GALNT13: variants seen among roughly 807,000 people sequenced by gnomAD.
GALNT13 encodes the protein UDP-GalNAc:polypeptide N-acetylgalactosaminyltransferase 13.
A neutral mutation model predicts 64.2 loss-of-function variants in GALNT13; 28 were observed. The observed-to-expected ratio is 0.44, with a 90% CI of 0.32 to 0.60. The LOEUF (loss-of-function observed/expected upper bound fraction) is 0.60. GALNT13 is among the 20% of genes least tolerant of loss of function. The pLI is 0.05. For missense variants in GALNT13, 577 were observed against 669.8 expected (o/e 0.86, Z 1.53); for synonymous variants, 214 against 224.6 (o/e 0.95, Z 0.42).
chr2:154,028,103 C>T (rs569822936), intron 3 of GALNT13, among the ~76,000 whole-genome samples: 1 of 152,146 alleles, frequency 6.6e-6, no homozygotes, highest in Non-Finnish European at 1.5e-5. Context: ...TAATGCTGAA[C>T]CTACTAGCGT....
At chr2:153,432,880 A>G in the GALNT13 span, among the ~76,000 whole-genome samples, 1 of 152,206 alleles carries the variant, frequency 6.6e-6, no homozygotes, top group South Asian at 2.1e-4. Context: ...AAACAGAATG[A>G]TTTGTAAAAT....
At chr2:153,525,397 C>A in the GALNT13 span, among the ~76,000 whole-genome samples, 1 of 152,134 alleles carries the variant, frequency 6.6e-6, no homozygotes, top group South Asian at 2.1e-4. Context: ...TTGTTTTGCA[C>A]CGTAAGCACC....
At chr2:153,517,080 G>T in the GALNT13 span, among the ~76,000 whole-genome samples, 2 of 152,160 alleles carry the variant, frequency 1.3e-5, no homozygotes, top group Non-Finnish European at 2.9e-5. Flanking sequence ...CAGAGTCTGG[G>T]AAAGAAAATC....
chr2:154,166,171 G>A (rs1206927301), intron 4 of GALNT13, among the ~76,000 whole-genome samples: 1 of 152,186 alleles, frequency 6.6e-6, no homozygotes, highest in Non-Finnish European at 1.5e-5. Flanking sequence ...TTGGGAGGCT[G>A]AGGCGGGTGG....
chr2:153,257,284 T>C, the GALNT13 span, among the ~76,000 whole-genome samples: 2 of 152,138 alleles, frequency 1.3e-5, no homozygotes, highest in Non-Finnish European at 2.9e-5. Context: ...GCTTCCCAAG[T>C]GAGGCAATGC....
At chr2:153,816,206 G>A in the GALNT13 span, among the ~76,000 whole-genome samples, 3 of 152,142 alleles carry the variant, frequency 2.0e-5, no homozygotes, top group African/African-American at 7.2e-5. Flanking sequence ...TACTTTAAAG[G>A]TAGTCAGGGA....
At chr2:153,379,032 A>G in the GALNT13 span, among the ~76,000 whole-genome samples, 1 of 152,142 alleles carries the variant, frequency 6.6e-6, no homozygotes, top group Non-Finnish European at 1.5e-5. Flanking sequence ...AATTTTGACC[A>G]AATAGGACCC....
At chr2:153,548,791 C>A in the GALNT13 span, among the ~76,000 whole-genome samples, 3 of 152,134 alleles carry the variant, frequency 2.0e-5, no homozygotes, top group African/African-American at 7.2e-5. Context: ...CCCATGACAA[C>A]TGAAAACATA....
intron 9 of GALNT13, among the ~76,000 whole-genome samples, chr2:154,388,338 T>C (rs892060886): frequency 6.6e-6 from 1 of 152,208 alleles, no homozygotes; most frequent in East Asian, 1.9e-4. Flanking sequence ...CTTACATTTG[T>C]AGGCTTTCTC....
At chr2:153,149,418 T>G in the GALNT13 span, among the ~76,000 whole-genome samples, 1 of 151,872 alleles carries the variant, frequency 6.6e-6, no homozygotes, top group Non-Finnish European at 1.5e-5. Context: ...ACCAACAGAA[T>G]GAGTTCTGGA....
chr2:153,088,789 T>C, the GALNT13 span, among the ~76,000 whole-genome samples: 1 of 152,192 alleles, frequency 6.6e-6, no homozygotes, highest in Non-Finnish European at 1.5e-5. Context: ...GAATAGCTAC[T>C]CCTGCTTGCA....
the GALNT13 span, among the ~76,000 whole-genome samples, chr2:153,654,356 C>A: frequency 6.6e-6 from 1 of 151,952 alleles, no homozygotes; most frequent in African/African-American, 2.4e-5. Flanking sequence ...AAAATTGTAT[C>A]ATGGCAAAAG....
intron 3 of GALNT13, among the ~76,000 whole-genome samples, chr2:154,020,757 A>G (rs1239551671): frequency 4.0e-5 from 6 of 151,298 alleles, no homozygotes; most frequent in Non-Finnish European, 7.4e-5. Flanking sequence ...TTGGTGTTTT[A>G]GACATGAAGT....
the GALNT13 span, among the ~76,000 whole-genome samples, chr2:153,639,006 G>T: frequency 1.7e-4 from 26 of 151,936 alleles, no homozygotes; most frequent in East Asian, 1.9e-4. Flanking sequence ...ATGTTCAGTT[G>T]CATAGGTCTA....
chr2:154,062,678 A>G (rs1700251696), intron 3 of GALNT13, among the ~76,000 whole-genome samples: 1 of 152,156 alleles, frequency 6.6e-6, no homozygotes, highest in Non-Finnish European at 1.5e-5. Context: ...TGCTCCCATG[A>G]TCTAATCACC....
the GALNT13 span, among the ~76,000 whole-genome samples, chr2:153,480,080 C>T: frequency 6.6e-6 from 1 of 152,172 alleles, no homozygotes; most frequent in East Asian, 1.9e-4. Context: ...GCTAATTACT[C>T]TGATTTGATC....
chr2:154,126,487 C>T (rs1433489239), intron 3 of GALNT13, among the ~76,000 whole-genome samples: 2 of 151,624 alleles, frequency 1.3e-5, no homozygotes, highest in Non-Finnish European at 2.9e-5. Flanking sequence ...TACAAAAAAT[C>T]AGCTGGGCGT....
chr2:153,870,459 G>A (rs545968673), upstream of GALNT13, among the ~76,000 whole-genome samples: 1 of 152,022 alleles, frequency 6.6e-6, no homozygotes, highest in African/African-American at 2.4e-5. Flanking sequence ...GCCATGTAGA[G>A]GTGAGTGACC....
intron 8 of GALNT13, among the ~76,000 whole-genome samples, chr2:154,299,200 A>G (rs1693276337): frequency 1.3e-5 from 2 of 151,612 alleles, no homozygotes; most frequent in Admixed American, 1.3e-4. Flanking sequence ...TTATGCAAAG[A>G]TAGGCATAAT....
Sources: allele counts gnomAD v4.1 joint callset (sites outside exome capture counted in the v4.1 genomes callset), GRCh38; gene constraint gnomAD v4.1.1; transcripts MANE v1.5; gene names NCBI Gene and HGNC (gene_info 2026-07-23, HGNC 2026-07-21).